The following NBN variants were observed in gnomAD, a reference collection of about 807,000 sequenced individuals.
NBN encodes Nijmegen breakage syndrome 1 (nibrin).
Under a neutral mutation model 90.8 loss-of-function variants are expected in NBN, and 88 were observed. That is an observed-to-expected ratio of 0.97 (90% CI 0.82 to 1.16). NBN has a LOEUF of 1.16. Among genes scored for constraint, NBN ranks in the 50% most tolerant of loss-of-function variants. The pLI, the probability that NBN is intolerant of heterozygous loss-of-function variation, is 0.00. For missense variants in NBN, 894 were observed against 869.6 expected (o/e 1.03, Z -0.35); for synonymous variants, 328 against 295.1 (o/e 1.11, Z -1.14).
chr8:89,955,135 G>T, intron 10 of NBN, 148 bp downstream of exon 10: 1 of 718,400 alleles, frequency 1.4e-6, no homozygotes, highest in Non-Finnish European at 2.3e-6. Flanking sequence ...AGGAGATCAG[G>T]GACATTTCTG....
At chr8:89,970,309 T>C (rs1349455721) in intron 7 of NBN, 55 bp downstream of exon 7, 1 of 1,453,348 alleles carries the variant, frequency 6.9e-7, no homozygotes, top group East Asian at 2.3e-5. Context: ...ACAAAAAAGG[T>C]TAAACATAAA....
chr8:89,966,030 TTAGTTA>T (rs1356402439), intron 7 of NBN, among the ~76,000 whole-genome samples: 1 of 152,256 alleles, frequency 6.6e-6, no homozygotes, highest in East Asian at 1.9e-4. Flanking sequence ...ACTATGTGAA[TTAGTTA>T]TAAAGAATGG....
At chr8:89,982,632 T>A in intron 2 of NBN, 90 bp downstream of exon 2, 2 of 1,190,860 alleles carry the variant, frequency 1.7e-6, no homozygotes. Context: ...TGACAAATCC[T>A]GTGAACTCTC....
chr8:89,955,255 G>C, intron 10 of NBN, 28 bp downstream of exon 10: 1 of 1,603,680 alleles, frequency 6.2e-7, no homozygotes, highest in South Asian at 1.1e-5. Context: ...TTTTTTCAGA[G>C]ACATGAGAGA....
chr8:89,981,557 C>A, intron 2 of NBN, 34 bp from the exon 3 acceptor site: 1 of 1,608,588 alleles, frequency 6.2e-7, no homozygotes, highest in Non-Finnish European at 8.5e-7. Context: ...AAGTCTTTTA[C>A]CACTCAGTAC....
At chr8:89,940,733 G>T (rs1809902125) in intron 14 of NBN, among the ~76,000 whole-genome samples, 1 of 151,150 alleles carries the variant, frequency 6.6e-6, no homozygotes, top group Non-Finnish European at 1.5e-5. Context: ...AAACATGAAA[G>T]CAATGAAATA....
chr8:89,949,251 A>G (rs1457029791), intron 11 of NBN, among the ~76,000 whole-genome samples: 1 of 152,184 alleles, frequency 6.6e-6, no homozygotes, highest in African/African-American at 2.4e-5. Context: ...AACTCCCACT[A>G]TCAGTTTCCA....
intron 12 of NBN, among the ~76,000 whole-genome samples, chr8:89,947,123 C>G (rs1810226887): frequency 6.6e-6 from 1 of 152,122 alleles, no homozygotes; most frequent in East Asian, 1.9e-4. Flanking sequence ...TTATTAAGAA[C>G]AGCCTAAACT....
chr8:89,940,920 T>C (rs933284201), intron 14 of NBN, among the ~76,000 whole-genome samples: 2 of 152,182 alleles, frequency 1.3e-5, no homozygotes, highest in African/African-American at 4.8e-5. Context: ...ATAAAGGTAC[T>C]ATTATTATTC....
chr8:89,939,702 G>A (rs1468078), intron 14 of NBN, among the ~76,000 whole-genome samples: 6,073 of 152,232 alleles, frequency 0.04, 225 homozygotes, highest in East Asian at 0.17. Flanking sequence ...CCAAATTTGG[G>A]GAAAAGGTAA....
At chr8:89,953,824 G>A (rs1810572740) in intron 10 of NBN, 133 bp from the exon 11 acceptor site, 1 of 726,370 alleles carries the variant, frequency 1.4e-6, no homozygotes, top group African/African-American at 1.8e-5. Flanking sequence ...CAATATTACT[G>A]GAAATCAACA....
chr8:89,945,557 G>T (rs1810147950), intron 13 of NBN, among the ~76,000 whole-genome samples: 1 of 152,184 alleles, frequency 6.6e-6, no homozygotes, highest in Non-Finnish European at 1.5e-5. Flanking sequence ...GTAAAGGCTA[G>T]CAGTCAGAAG....
intron 8 of NBN, among the ~76,000 whole-genome samples, chr8:89,960,389 C>T (rs918821062): frequency 1.3e-5 from 2 of 151,536 alleles, no homozygotes; most frequent in Non-Finnish European, 2.9e-5. Context: ...TGAGGTGGCT[C>T]GCTGCTGCTC....
chr8:89,941,635 T>G (rs1171241939), intron 14 of NBN, among the ~76,000 whole-genome samples: 1 of 152,306 alleles, frequency 6.6e-6, no homozygotes, highest in Non-Finnish European at 1.5e-5. Flanking sequence ...TGCCTCTCAC[T>G]ACTCCTCAAT....
chr8:89,965,383 A>G (rs1811205863), intron 7 of NBN, among the ~76,000 whole-genome samples: 2 of 152,334 alleles, frequency 1.3e-5, no homozygotes, highest in South Asian at 2.1e-4. Context: ...TGTAAGGTCA[A>G]TGACTGATTT....
At chr8:89,963,512 G>T (rs983699221) in intron 8 of NBN, among the ~76,000 whole-genome samples, 1 of 151,698 alleles carries the variant, frequency 6.6e-6, no homozygotes, top group Non-Finnish European at 1.5e-5. Flanking sequence ...AAATCTCCAA[G>T]GTAAAAAAGC....
At chr8:89,962,047 GCTT>G (rs771565198) in intron 8 of NBN, among the ~76,000 whole-genome samples, 1 of 152,112 alleles carries the variant, frequency 6.6e-6, no homozygotes, top group African/African-American at 2.4e-5. Context: ...CAGTCTGAGT[GCTT>G]CTTCTTTTTA....
At chr8:89,968,693 C>T (rs1177676506) in intron 7 of NBN, among the ~76,000 whole-genome samples, 2 of 152,050 alleles carry the variant, frequency 1.3e-5, no homozygotes, top group African/African-American at 4.8e-5. Context: ...CTAAAAGAGG[C>T]CTTCTCTGTT....
Position 89,946,153 on chromosome 8 carries a change from T to C in NBN, c.2057A>G (p.Lys686Arg), listed in dbSNP as rs746764974. Reference protein sequence around the residue: ...NDDYGQLKNFKKFKKVTYPGA... With the variant: ...NDDYGQLKNFRKFKKVTYPGA... ...TGAAATACCTACCTTTTTGAATTTC[T>C]TGAAATTTTTTAGTTGACCATAATC... The change falls in exon 13 of 16, where the codon AAG (lysine) becomes AGG (arginine). Residue 686 changes from lysine (K) to arginine (R), a missense_variant. By Grantham distance (26) the Lys-to-Arg change is conservative (BLOSUM62 2). Transcript: ENST00000265433. 1.3e-6 allele frequency: 2 copies of C among 1,591,530 alleles called. No individual in the cohort carries two copies. Among genetic ancestry groups the C allele is most frequent in the South Asian group, 2.2e-5 (2 of 90,548 alleles).
Sources: allele counts gnomAD v4.1 joint callset (sites outside exome capture counted in the v4.1 genomes callset), GRCh38; gene constraint gnomAD v4.1.1; transcripts MANE v1.5; gene names NCBI Gene and HGNC (gene_info 2026-07-23, HGNC 2026-07-21).